The following DRC4 variants were observed in gnomAD, a reference collection of about 807,000 sequenced individuals.
DRC4 encodes GAS-11.
At chr16:90,040,428 G>A in the DRC4 span, 1 of 1,612,334 alleles carries the variant, frequency 6.2e-7, no homozygotes, top group African/African-American at 1.3e-5. Context: ...CTGTGGAGAA[G>A]AAGGAGGTGC....
chr16:90,038,379 A>G, the DRC4 span, among the ~76,000 whole-genome samples: 1 of 152,204 alleles, frequency 6.6e-6, no homozygotes, highest in Non-Finnish European at 1.5e-5. Context: ...CTCACAGTGT[A>G]TCAGGCTGCA....
the DRC4 span, among the ~76,000 whole-genome samples, chr16:90,020,495 G>A: frequency 2.6e-5 from 4 of 152,168 alleles, no homozygotes; most frequent in African/African-American, 9.7e-5. Context: ...CATTTGCTCT[G>A]GGATTTTGCA....
the DRC4 span, chr16:90,020,092 A>G: frequency 1.6e-6 from 1 of 634,302 alleles, no homozygotes; most frequent in Admixed American, 2.4e-5. Context: ...CTCTGTCCTC[A>G]TTCACTTCCC....
At chr16:90,024,140 T>TCACACACA in the DRC4 span, among the ~76,000 whole-genome samples, 3 of 143,840 alleles carry the variant, frequency 2.1e-5, no homozygotes, top group Non-Finnish European at 4.5e-5. Context: ...ACACACACAC[T>TCACACACA]CACACACACA....
At chr16:90,026,902 T>C in the DRC4 span, among the ~76,000 whole-genome samples, 1 of 151,612 alleles carries the variant, frequency 6.6e-6, no homozygotes, top group Admixed American at 6.6e-5. Context: ...TTTTCTTTTT[T>C]TTTTTTTTTA....
the DRC4 span, chr16:90,019,801 G>A: frequency 1.5e-6 from 1 of 688,438 alleles, no homozygotes; most frequent in East Asian, 2.7e-5. This position sits in a 1 kb window ranked among gnomAD's most constrained non-coding sequence, Gnocchi z 6.1. Context: ...CTGTGTGCGG[G>A]CGCCCCTCGG....
the DRC4 span, among the ~76,000 whole-genome samples, chr16:90,034,721 C>A: frequency 0.31 from 46,617 of 150,786 alleles, 7,946 homozygotes; most frequent in Middle Eastern, 0.42. Context: ...TTCATTAAAA[C>A]TATATATTTA....
the DRC4 span, chr16:90,042,302 C>A: frequency 1.5e-6 from 1 of 670,564 alleles, no homozygotes. Context: ...GTTTTCTCTC[C>A]ACCCTTGGAG....
At chr16:90,040,607 C>G in the DRC4 span, 1 of 1,132,694 alleles carries the variant, frequency 8.8e-7, no homozygotes, top group African/African-American at 2.0e-5. Flanking sequence ...ACAGAGACCC[C>G]TCGGTCGGCC....
At chr16:90,040,018 G>T in the DRC4 span, 1 of 465,106 alleles carries the variant, frequency 2.2e-6, no homozygotes, top group Non-Finnish European at 4.0e-6. Flanking sequence ...TCAGGGTGGG[G>T]CTGCTTCAGC....
the DRC4 span, among the ~76,000 whole-genome samples, chr16:90,033,344 G>A: frequency 6.6e-6 from 1 of 152,196 alleles, no homozygotes; most frequent in Non-Finnish European, 1.5e-5. Flanking sequence ...TACTTTTGAG[G>A]CTGGGGGTTT....
the DRC4 span, chr16:90,037,867 G>T: frequency 6.2e-7 from 1 of 1,609,246 alleles, no homozygotes; most frequent in Non-Finnish European, 8.5e-7. Context: ...CACCACGCTG[G>T]CCCTGCAGTT....
chr16:90,037,824 A>G, the DRC4 span: 2 of 1,614,118 alleles, frequency 1.2e-6, no homozygotes, highest in Admixed American at 3.3e-5. Flanking sequence ...GGGAGCATGA[A>G]GTGTTAGAGC....
the DRC4 span, chr16:90,044,785 A>C: frequency 1.2e-4 from 43 of 347,014 alleles, no homozygotes; most frequent in Middle Eastern, 3.2e-3. Flanking sequence ...AGAGCAGTCT[A>C]GGGACACCAC....
the DRC4 span, chr16:90,022,532 A>C: frequency 1.9e-6 from 1 of 526,472 alleles, no homozygotes; most frequent in Non-Finnish European, 3.1e-6. Flanking sequence ...CAACGTTCAC[A>C]ACCGGGTTCC....
the DRC4 span, among the ~76,000 whole-genome samples, chr16:90,025,231 C>A: frequency 6.7e-6 from 1 of 149,766 alleles, no homozygotes; most frequent in Non-Finnish European, 1.5e-5. Context: ...GTTGGCCAGG[C>A]TGGTCTTGAA....
the DRC4 span, chr16:90,027,632 A>C: frequency 6.2e-7 from 1 of 1,614,056 alleles, no homozygotes; most frequent in East Asian, 2.2e-5. Context: ...TATTTCCACC[A>C]AAGGCACCGA....
At chr16:90,037,157 G>C in the DRC4 span, 15 of 1,458,714 alleles carry the variant, frequency 1.0e-5, no homozygotes, top group South Asian at 1.5e-4. Flanking sequence ...AGAGCACCCA[G>C]CTCTCACCAT....
At chr16:90,035,084 G>T in the DRC4 span, among the ~76,000 whole-genome samples, 1 of 152,058 alleles carries the variant, frequency 6.6e-6, no homozygotes, top group African/African-American at 2.4e-5. Flanking sequence ...TGTATTTTTA[G>T]TAGAGACGGG....
Sources: allele counts gnomAD v4.1 joint callset (sites outside exome capture counted in the v4.1 genomes callset), GRCh38; gene constraint gnomAD v4.1.1; non-coding constraint Gnocchi (gnomAD v3.1); transcripts MANE v1.5; gene names NCBI Gene and HGNC (gene_info 2026-07-23, HGNC 2026-07-21).